DTNBP1: variants seen among roughly 807,000 people sequenced by gnomAD.
The protein encoded by DTNBP1 is dystrobrevin binding protein 1.
DTNBP1 carries 35 observed loss-of-function variants against 42.8 expected under a neutral mutation model. The observed-to-expected ratio is 0.82, with a 90% CI of 0.63 to 1.09. The LOEUF (loss-of-function observed/expected upper bound fraction) is 1.09. Ranked by LOEUF, DTNBP1 falls within the 50% of genes least tolerant of loss-of-function variation. The pLI, the probability that DTNBP1 is intolerant of heterozygous loss-of-function variation, is 0.00. For synonymous variants in DTNBP1, 171 were observed against 162.2 expected, an observed-to-expected ratio of 1.05 and a Z score of -0.41; for missense variants, 457 against 424.2, an observed-to-expected ratio of 1.08 and a Z score of -0.68.
chr6:15,602,986 A>C (rs1473682796), intron 6 of DTNBP1, among the ~76,000 whole-genome samples: 1 of 152,262 alleles, frequency 6.6e-6, no homozygotes, highest in Non-Finnish European at 1.5e-5. Context: ...CTTAAATATC[A>C]GTCCTAAACT....
chr6:15,562,530 T>A (rs556279359), intron 7 of DTNBP1, among the ~76,000 whole-genome samples: 10 of 152,328 alleles, frequency 6.6e-5, no homozygotes, highest in South Asian at 2.1e-4. Context: ...TATGGATAAG[T>A]TGCTTTCCAT....
At chr6:15,595,927 T>C (rs1776499293) in intron 6 of DTNBP1, among the ~76,000 whole-genome samples, 1 of 152,230 alleles carries the variant, frequency 6.6e-6, no homozygotes, top group Non-Finnish European at 1.5e-5. Context: ...GTTTTATTTT[T>C]AGCAGGAGAA....
At chr6:15,580,667 T>C (rs1441658548) in intron 7 of DTNBP1, among the ~76,000 whole-genome samples, 1 of 152,240 alleles carries the variant, frequency 6.6e-6, no homozygotes, top group Non-Finnish European at 1.5e-5. Flanking sequence ...TTTGAGGCTA[T>C]TGCAGACTAG....
At chr6:15,601,212 T>G (rs1776714482) in intron 6 of DTNBP1, among the ~76,000 whole-genome samples, 1 of 152,218 alleles carries the variant, frequency 6.6e-6, no homozygotes, top group Admixed American at 6.5e-5. Flanking sequence ...GGTTAAACAC[T>G]TCAAATGAAT....
chr6:15,533,650 C>A, intron 7 of DTNBP1: 1 of 625,404 alleles, frequency 1.6e-6, no homozygotes, highest in Non-Finnish European at 3.0e-6. Flanking sequence ...GCTGGAACGA[C>A]CTTCCCACCC....
At chr6:15,557,171 C>G (rs1774572802) in intron 7 of DTNBP1, among the ~76,000 whole-genome samples, 1 of 151,232 alleles carries the variant, frequency 6.6e-6, no homozygotes, top group African/African-American at 2.4e-5. Flanking sequence ...ACTGGCTAAA[C>G]AGTTTTACAT....
intron 3 of DTNBP1, among the ~76,000 whole-genome samples, chr6:15,649,926 ATAAAATG>A (rs1369706978): frequency 6.6e-6 from 1 of 152,236 alleles, no homozygotes; most frequent in Non-Finnish European, 1.5e-5. Flanking sequence ...AAAAATAAAG[ATAAAATG>A]TAAATAGTAA....
At chr6:15,623,430 T>C (rs950499190) in intron 5 of DTNBP1, among the ~76,000 whole-genome samples, 1 of 152,214 alleles carries the variant, frequency 6.6e-6, no homozygotes, top group Admixed American at 6.5e-5. Context: ...AATCCTGTAA[T>C]GCCAGAGCTT....
chr6:15,543,116 G>C (rs1773674006), intron 7 of DTNBP1, among the ~76,000 whole-genome samples: 1 of 152,104 alleles, frequency 6.6e-6, no homozygotes, highest in Admixed American at 6.6e-5. Flanking sequence ...CCCTATTTTA[G>C]GGGACTTTTC....
At chr6:15,631,053 T>C (rs914654019) in intron 4 of DTNBP1, among the ~76,000 whole-genome samples, 3 of 152,232 alleles carry the variant, frequency 2.0e-5, no homozygotes, top group Non-Finnish European at 2.9e-5. Flanking sequence ...AAATAATTTG[T>C]TAAACAAGAT....
rs146657829 is a variant in DTNBP1, at chr6:15,552,783, A to G, written c.512-19388T>C. ...CCTTTTCATGAACTCTCCTGATAAC[A>G]CATGTTGATATTCCTTAGGATGAAG... On this transcript the variant is annotated intron_variant, in intron 7 of 9. Coordinates refer to ENST00000344537, the MANE Select transcript of DTNBP1 (RefSeq NM_032122.5). 1.7e-3 allele frequency among the ~76,000 whole-genome samples: 256 copies of G among 152,358 alleles called. 2 individuals carry two copies. The highest frequency in any genetic ancestry group is 5.3e-3 in the African/African-American group (219 of 41,588).
chr6:15,559,222 G>A (rs116548683), intron 7 of DTNBP1, among the ~76,000 whole-genome samples: 1,858 of 152,278 alleles, frequency 0.012, 24 homozygotes, highest in Non-Finnish European at 0.017. Context: ...AGTTGAAAGC[G>A]ATCGTCAAGG....
At chr6:15,549,768 A>G (rs1774108122) in intron 7 of DTNBP1, among the ~76,000 whole-genome samples, 1 of 152,220 alleles carries the variant, frequency 6.6e-6, no homozygotes, top group South Asian at 2.1e-4. Context: ...TAACAAGAGA[A>G]GATCCTTTCA....
At chr6:15,631,863 C>G (rs1759715753) in intron 4 of DTNBP1, among the ~76,000 whole-genome samples, 1 of 152,190 alleles carries the variant, frequency 6.6e-6, no homozygotes, top group Admixed American at 6.5e-5. Flanking sequence ...CGTGATTGTT[C>G]TAATTTATAC....
At chr6:15,533,510 G>A in intron 7 of DTNBP1, 115 bp from the exon 8 acceptor site, 1 of 1,544,540 alleles carries the variant, frequency 6.5e-7, no homozygotes, top group Non-Finnish European at 8.9e-7. Context: ...CGCGTTTACA[G>A]ACTGGGCTGG....
At chr6:15,622,903 C>G (rs943117927) in intron 5 of DTNBP1, among the ~76,000 whole-genome samples, 1 of 152,220 alleles carries the variant, frequency 6.6e-6, no homozygotes, top group Admixed American at 6.5e-5. Context: ...TTATTTCCCA[C>G]TTAATGAGTT....
At chr6:15,530,603 G>T (rs190270377) in intron 8 of DTNBP1, among the ~76,000 whole-genome samples, 4 of 152,098 alleles carry the variant, frequency 2.6e-5, no homozygotes, top group African/African-American at 7.2e-5. Flanking sequence ...TGTCACCAGG[G>T]GCTGGCCATC....
At chr6:15,570,676 C>T (rs545305767) in intron 7 of DTNBP1, among the ~76,000 whole-genome samples, 16 of 152,248 alleles carry the variant, frequency 1.1e-4, no homozygotes, top group African/African-American at 3.6e-4. Flanking sequence ...ATTTCTTTTC[C>T]GATAATTTTT....
chr6:15,655,785 C>T (rs1408033409), intron 1 of DTNBP1, among the ~76,000 whole-genome samples: 2 of 151,884 alleles, frequency 1.3e-5, no homozygotes, highest in East Asian at 3.8e-4. Context: ...AAGAAAGTAA[C>T]AAAAAGCCAA....
Sources: gnomAD v4.1 joint callset for allele counts (sites outside exome capture counted in the v4.1 genomes callset) on GRCh38, gnomAD v4.1.1 for gene constraint, MANE v1.5 for transcripts, NCBI Gene and HGNC (gene_info 2026-07-23, HGNC 2026-07-21) for gene names.